TRIB3: variants seen among roughly 807,000 people sequenced by gnomAD.
TRIB3 encodes the protein tribbles pseudokinase 3.
A neutral mutation model predicts 16.6 loss-of-function variants in TRIB3; 20 were observed. The ratio of observed to expected loss-of-function variants is 1.20; its 90% confidence interval spans 0.85 to 1.75. TRIB3 has a LOEUF of 1.75. Ranked by LOEUF, TRIB3 falls within the 40% of genes most tolerant of loss-of-function variation. The probability of loss-of-function intolerance (pLI) is 0.00; values close to 1 mark genes in which losing one functional copy is unlikely to be tolerated. For missense variants in TRIB3, 484 were observed against 488.9 expected (o/e 0.99, Z 0.10); for synonymous variants, 208 against 217.0 (o/e 0.96, Z 0.36).
Position 391,557 on chromosome 20 carries a change from T to C in TRIB3, c.562T>C (p.Phe188Leu). The change falls in exon 3 of 4, where the codon TTT becomes CTT. Residue 188 changes from phenylalanine (F) to leucine (L), a missense_variant. Transcript: ENST00000217233. ...LVLRDLKLCR[F>L]VFADRERKKL... is the part of the protein sequence containing the mutation. ...CCTGCGTGATCTCAAGCTGTGTCGC[T>C]TTGTCTTCGCTGACCGTGAGAGGTG... is the stretch of plus-strand genomic sequence containing the variant. 2.5e-6 allele frequency: 4 copies of C among 1,611,174 alleles called. No individual in the cohort carries two copies. Among genetic ancestry groups the C allele is most frequent in the Non-Finnish European group, 3.4e-6 (4 of 1,178,538 alleles).
At chr20:382,612 C>T (rs745374004) in intron 1 of TRIB3, 6 of 1,520,830 alleles carry the variant, frequency 3.9e-6, no homozygotes, top group Middle Eastern at 1.7e-4. Context: ...TTTCCTGACA[C>T]CTACCTGGCA....
intron 3 of TRIB3, among the ~76,000 whole-genome samples, chr20:392,923 T>A (rs955860491): frequency 5.3e-5 from 8 of 152,208 alleles, no homozygotes; most frequent in Admixed American, 5.2e-4. Context: ...CGCCTCCTGT[T>A]CCCTCTCCAG....
rs766246372 is a variant in TRIB3, at chr20:396,742, G to A, written c.*52G>A. The stretch of plus-strand genomic sequence containing the variant: ...CAACAGTGGATTGAGTTTGGGGGTA[G>A]CTCCAAGCCTTCTCCTGCCTCTGAA... On this transcript the variant is annotated 3_prime_UTR_variant, in exon 4 of 4. Transcript: ENST00000217233. 6.5e-7 allele frequency: 1 copy of A among 1,547,036 alleles called. No individual in the cohort carries two copies. The highest frequency in any genetic ancestry group is 2.3e-5 in the East Asian group (1 of 44,264).
intron 3 of TRIB3, among the ~76,000 whole-genome samples, chr20:394,444 G>T (rs568089890): frequency 9.2e-5 from 14 of 152,204 alleles, no homozygotes; most frequent in Non-Finnish European, 1.3e-4. Context: ...TTAGGCTTAG[G>T]GTAGATACAA....
chr20:389,945 CA>C (rs1055930398), intron 2 of TRIB3, among the ~76,000 whole-genome samples: 10 of 152,170 alleles, frequency 6.6e-5, no homozygotes, highest in African/African-American at 2.4e-4. Context: ...TGCCATGTAC[CA>C]TGCTGTGGTT....
rs2014630348 is a variant in TRIB3, at chr20:381,157, A to C, written c.-13A>C. ...CCGGCGGCGCCCGGGCCCACGCGGA[A>C]CGACGGGGCGAGGTACTCGGCGGGG... is the stretch of plus-strand genomic sequence containing the variant. On this transcript the variant is annotated 5_prime_UTR_variant, in exon 1 of 4. Transcript: ENST00000217233. The C allele has an allele frequency of 6.9e-6, 1 of 145,464 alleles. No individual in the cohort carries two copies. The allele number at this position is 145,464 out of a possible 1,614,324, so 9.0% of individuals were successfully genotyped here. A position where few individuals can be genotyped will look rare whatever the true frequency, so the allele number is the denominator to read the frequency against.
Position 397,475 on chromosome 20 carries a change from C to T in TRIB3, c.*785C>T, listed in dbSNP as rs1170943514. 1.3e-5 allele frequency: 2 copies of T among 152,188 alleles called. No individual in the cohort carries two copies. Among genetic ancestry groups the T allele is most frequent in the East Asian group, 3.8e-4 (2 of 5,200 alleles). 9.4% of individuals were successfully genotyped at this position (152,188 alleles called of 1,614,324 possible). A position where few individuals can be genotyped will look rare whatever the true frequency, so the allele number is the denominator to read the frequency against. On this transcript the variant is annotated 3_prime_UTR_variant, in exon 4 of 4. Coordinates refer to ENST00000217233, the MANE Select transcript of TRIB3 (RefSeq NM_021158.5). ...GACTCTTCTGGGGACACTTGGGGTC[C>T]ACAATCCCAGGTCCATACTCTAGGT...
In TRIB3 at chr20:396,585, A is replaced by G; in HGVS notation, c.972A>G (p.Pro324=). 1 of 1,613,086 alleles carries G rather than the reference A, an allele frequency of 6.2e-7. No homozygotes were observed. Among genetic ancestry groups the G allele is most frequent in the South Asian group, 1.1e-5 (1 of 91,086 alleles). Residue 324 remains proline (P), a synonymous_variant, in exon 4 of 4, where the codon CCA becomes CCG. Coordinates refer to ENST00000217233, the MANE Select transcript of TRIB3 (RefSeq NM_021158.5). ...GACAGGACCCGATGCCCTTAGCCCC[A>G]ACCCGATCCCATCTCTGGGAGGCTG... is the stretch of plus-strand genomic sequence containing the variant. ...WLRQDPMPLA[P]TRSHLWEAAQ...
Position 396,640 on chromosome 20 carries a change from G to C in TRIB3, c.1027G>C (p.Asp343His). The change falls in exon 4 of 4, where the codon GAC becomes CAC. Residue 343 changes from aspartate (D) to histidine (H), a missense_variant. Coordinates refer to ENST00000217233, the MANE Select transcript of TRIB3 (RefSeq NM_021158.5). ...GGTGGTCCCTGATGGACTGGGGCTG[G>C]ACGAAGCCAGGGAAGAGGAGGGAGA... The part of the protein sequence containing the change: ...AQVVPDGLGL[D>H]EAREEEGDRE... 6.2e-7 allele frequency: 1 copy of C among 1,612,946 alleles called. No homozygotes were observed. The highest frequency in any genetic ancestry group is 1.1e-5 in the South Asian group (1 of 91,076).
intron 3 of TRIB3, among the ~76,000 whole-genome samples, chr20:395,694 G>A (rs949625964): frequency 1.3e-5 from 2 of 152,116 alleles, no homozygotes; most frequent in Non-Finnish European, 1.5e-5. Flanking sequence ...GCTGTAAAAT[G>A]GTGTCTTCCT....
Position 396,410 on chromosome 20 carries a change from C to T in TRIB3, c.797C>T (p.Pro266Leu). The T allele has an allele frequency of 6.2e-7, 1 of 1,613,172 alleles. No individual in the cohort carries two copies. Among genetic ancestry groups the T allele is most frequent in the Non-Finnish European group, 8.5e-7 (1 of 1,180,032 alleles). The change falls in exon 4 of 4, where the codon CCT becomes CTT. Residue 266 changes from proline to leucine, a missense_variant. By Grantham distance (98) the Pro-to-Leu change is moderately conservative. Coordinates refer to ENST00000217233, the MANE Select transcript of TRIB3 (RefSeq NM_021158.5). ...AGHYPFQDSEPVLLFGKIRRG... is the reference protein window; with the variant it reads ...AGHYPFQDSELVLLFGKIRRG... The stretch of plus-strand genomic sequence containing the variant: ...CACTACCCCTTCCAGGACTCGGAGC[C>T]TGTCCTGCTCTTCGGCAAGATCCGC...
intron 1 of TRIB3, among the ~76,000 whole-genome samples, chr20:387,188 G>A (rs965830220): frequency 6.6e-6 from 1 of 152,028 alleles, no homozygotes; most frequent in African/African-American, 2.4e-5. Context: ...CCTAGGCAAT[G>A]TAGGGAGACC....
At chr20:386,849 C>T (rs1437399009) in intron 1 of TRIB3, among the ~76,000 whole-genome samples, 1 of 151,948 alleles carries the variant, frequency 6.6e-6, no homozygotes, top group East Asian at 1.9e-4. Context: ...CCGTGGGCTG[C>T]ACTTTGGCAT....
rs748748962 is a variant in TRIB3 at position 388,289 on chromosome 20, G to GTA, written c.282_283dup (p.Thr95IlefsTer116). On this transcript the variant is annotated frameshift_variant, in exon 2 of 4. Coordinates refer to ENST00000217233, the MANE Select transcript of TRIB3 (RefSeq NM_021158.5). LOFTEE classifies it high-confidence loss of function. ...CCCTGCACTGCCCTACAGGCACTGAGTATACCTGCAAGGTACGTGCCCATG... is the reference window on the plus strand; with the variant it reads ...CCCTGCACTGCCCTACAGGCACTGAGTATATACCTGCAAGGTACGTGCCCATG... 1.2e-6 allele frequency: 2 copies of GTA among 1,609,354 alleles called. No individual in the cohort carries two copies. The highest frequency in any genetic ancestry group is 3.3e-5 in the Admixed American group (2 of 59,860).
chr20:393,517 A>G (rs143180480), intron 3 of TRIB3, among the ~76,000 whole-genome samples: 2 of 152,064 alleles, frequency 1.3e-5, no homozygotes, highest in East Asian at 1.9e-4. Flanking sequence ...GGGTCTTGCT[A>G]TGTTGCCCAG....
chr20:382,291 A>G, intron 1 of TRIB3: 1 of 490,558 alleles, frequency 2.0e-6, no homozygotes, highest in Non-Finnish European at 3.7e-6. Flanking sequence ...AGATGTATAG[A>G]CTCAGTTACC....
chr20:394,294 C>T (rs1338781387), intron 3 of TRIB3, among the ~76,000 whole-genome samples: 1 of 152,186 alleles, frequency 6.6e-6, no homozygotes, highest in Non-Finnish European at 1.5e-5. Context: ...GGATTATAGG[C>T]ATGGGCCGCT....
intron 1 of TRIB3, chr20:385,752 C>A (rs1386004222): frequency 2.0e-5 from 3 of 152,088 alleles, no homozygotes; most frequent in African/African-American, 7.2e-5. Flanking sequence ...GTAGACACCA[C>A]CTCTTCTAGG....
chr20:395,843 A>T (rs547743067), intron 3 of TRIB3, among the ~76,000 whole-genome samples: 1 of 152,200 alleles, frequency 6.6e-6, no homozygotes, highest in East Asian at 1.9e-4. Flanking sequence ...GATGTCAGGC[A>T]CACTTCCTGT....
Sources: gnomAD v4.1 joint callset for allele counts (sites outside exome capture counted in the v4.1 genomes callset) on GRCh38, gnomAD v4.1.1 for gene constraint, MANE v1.5 for transcripts, NCBI Gene and HGNC (gene_info 2026-07-23, HGNC 2026-07-21) for gene names.